ZDBF2: variants seen among roughly 807,000 people sequenced by gnomAD.
The protein encoded by ZDBF2 is zinc finger DBF-type containing 2, also known as DBF4-type zinc finger-containing protein 2.
In ZDBF2, 6 loss-of-function variants were observed where a neutral mutation model predicts 9.4. The ratio of observed to expected loss-of-function variants is 0.64; its 90% CI spans 0.35 to 1.27. The LOEUF (loss-of-function observed/expected upper bound fraction) is 1.27. ZDBF2 is among the 50% of genes most tolerant of loss of function. The pLI, the probability that ZDBF2 is intolerant of heterozygous loss-of-function variation, is 0.03. For missense variants in ZDBF2, 2,697 were observed against 2,766.8 expected, an observed-to-expected ratio of 0.97 and a Z score of 0.57; for synonymous variants, 905 against 946.3, an observed-to-expected ratio of 0.96 and a Z score of 0.80.
intron 4 of ZDBF2, among the ~76,000 whole-genome samples, chr2:206,301,350 G>A (rs1692490917): frequency 6.6e-6 from 1 of 151,946 alleles, no homozygotes; most frequent in Non-Finnish European, 1.5e-5. Flanking sequence ...TTAATCAGAT[G>A]TAAGGAGAAT....
Position 206,311,470 on chromosome 2 carries a change from C to T in ZDBF2, c.6942C>T (p.Gly2314=). The change falls in exon 5 of 5, where the codon GGC becomes GGT. Residue 2314 remains glycine (G), a synonymous_variant. Transcript: ENST00000374423. Reference sequence around the variant, plus strand: ...AGAAGACTGATGAAAGCTACCATGGCCGACAGAAAGGTCCTTCTACACCTG... The same window carrying T: ...AGAAGACTGATGAAAGCTACCATGGTCGACAGAAAGGTCCTTCTACACCTG... ...RRKKTDESYH[G]RQKGPSTPVR... is the part of the protein sequence containing the mutation. 1.2e-6 allele frequency: 2 copies of T among 1,612,184 alleles called. No individual in the cohort carries two copies. The highest frequency in any genetic ancestry group is 1.7e-6 in the Non-Finnish European group (2 of 1,179,304).
In ZDBF2 at chr2:206,309,822, A is replaced by G; in HGVS notation, c.5294A>G (p.Glu1765Gly). The G allele has an allele frequency of 3.1e-6, 5 of 1,613,814 alleles. No homozygotes were observed. The South Asian group carries it at 5.5e-5, about 18-fold the overall frequency. ...PLPSDTDQPQ[E>G]TVKKRHPCKK... ...CCATCTGATACTGATCAGCCTCAAGAAACTGTTAAGAAAAGACACCCTTGT... is the reference window on the plus strand; with the variant it reads ...CCATCTGATACTGATCAGCCTCAAGGAACTGTTAAGAAAAGACACCCTTGT... Residue 1765 changes from glutamate (E) to glycine (G), a missense_variant, in exon 5 of 5, where the codon GAA (glutamate) becomes GGA (glycine). Coordinates refer to ENST00000374423, the MANE Select transcript of ZDBF2 (RefSeq NM_020923.3).
In ZDBF2 at chr2:206,310,679, G is replaced by T; in HGVS notation, c.6151G>T (p.Asp2051Tyr). Reference sequence around the variant, plus strand: ...ATGCAAATATAAACGGAATATCTTTGATTATTATGAGCCCTTGATTAAGCA... The same window carrying T: ...ATGCAAATATAAACGGAATATCTTTTATTATTATGAGCCCTTGATTAAGCA... ...FICKYKRNIF[D>Y]YYEPLIKQIV... Residue 2051 changes from aspartate (D) to tyrosine (Y), a missense_variant, in exon 5 of 5, where the codon GAT (aspartate) becomes TAT (tyrosine). By Grantham distance (160) the Asp-to-Tyr change is radical. Coordinates refer to ENST00000374423, the MANE Select transcript of ZDBF2 (RefSeq NM_020923.3). 1 of 1,612,242 alleles carries T rather than the reference G, an allele frequency of 6.2e-7. No individual in the cohort carries two copies. The highest frequency in any genetic ancestry group is 1.1e-5 in the South Asian group (1 of 90,796).
At chr2:206,291,291 A>G (rs144553741) in intron 3 of ZDBF2, among the ~76,000 whole-genome samples, 85 of 152,280 alleles carry the variant, frequency 5.6e-4, no homozygotes, top group Admixed American at 4.1e-3. Flanking sequence ...GGAGCACGCA[A>G]CCTAGATCCC....
chr2:206,311,132 C>T lies in ZDBF2; in HGVS notation c.6604C>T (p.Gln2202Ter), dbSNP rs1693158326. ...GGTTTATAAACCAATTATTCTCCAG[C>T]AAAAACCCAGAAAAGCTTCAGAGAA... ...KKVYKPIILQ[Q>*]KPRKASEKQS... Residue 2202 changes from glutamine (Q) to a stop codon, truncating the protein, a stop_gained, in exon 5 of 5, where the codon CAA (glutamine) becomes TAA (stop). Coordinates refer to ENST00000374423, the MANE Select transcript of ZDBF2 (RefSeq NM_020923.3). LOFTEE classifies it low-confidence loss of function (END_TRUNC). 2 of 1,613,654 alleles carry T rather than the reference C, an allele frequency of 1.2e-6. No individual in the cohort carries two copies. The highest frequency in any genetic ancestry group is 1.7e-6 in the Non-Finnish European group (2 of 1,179,848).
chr2:206,294,267 C>T (rs1433500652), intron 3 of ZDBF2, among the ~76,000 whole-genome samples: 4 of 151,970 alleles, frequency 2.6e-5, no homozygotes, highest in Non-Finnish European at 4.4e-5. Flanking sequence ...TTTCTGGATG[C>T]TTGTCAACTT....
In ZDBF2 at chr2:206,297,282, C is replaced by G. The variant is rs1190672560; in HGVS notation, c.97C>G (p.Gln33Glu). 10 of 1,558,776 alleles carry G rather than the reference C, an allele frequency of 6.4e-6. No individual in the cohort carries two copies. Among genetic ancestry groups the G allele is most frequent in the Non-Finnish European group, 8.0e-6 (9 of 1,129,628 alleles). The stretch of plus-strand genomic sequence containing the variant: ...TGCTCAGCACAGGAGTTTGACCAGA[C>G]AGAGTAGACGTCAAATATGTACCAG... ...FSAQHRSLTR[Q>E]SRRQICTSSL... is the part of the protein sequence containing the mutation. The change falls in exon 4 of 5, where the codon CAG (glutamine) becomes GAG (glutamate). Residue 33 changes from glutamine (Q) to glutamate (E), a missense_variant. By Grantham distance (29) the Gln-to-Glu change is conservative. Transcript: ENST00000374423.
Position 206,307,762 on chromosome 2 carries a change from T to C in ZDBF2, c.3234T>C (p.Ser1078=). Residue 1078 remains serine, a synonymous_variant, in exon 5 of 5, where the codon TCT becomes TCC. Coordinates refer to ENST00000374423, the MANE Select transcript of ZDBF2 (RefSeq NM_020923.3). The part of the protein sequence containing the change: ...LKDKNSKSGD[S]KITFDSEQLQ... ...ACAAAAACAGTAAATCAGGTGATTCTAAAATAACTTTTGATTCTGAACAAC... is the reference window on the plus strand; with the variant it reads ...ACAAAAACAGTAAATCAGGTGATTCCAAAATAACTTTTGATTCTGAACAAC... 3.1e-6 allele frequency: 5 copies of C among 1,611,446 alleles called. No individual in the cohort carries two copies. The highest frequency in any genetic ancestry group is 2.2e-5 in the South Asian group (2 of 90,132).
chr2:206,308,448 T>TA lies in ZDBF2; in HGVS notation c.3923dup (p.Asn1308LysfsTer12). ...AAAATTCCAGGGGCGAATAAAGAAA[T>TA]AAATCTTTTGAGGGAGGAACATGTT... is the stretch of plus-strand genomic sequence containing the variant. On this transcript the variant is annotated frameshift_variant, in exon 5 of 5. Transcript: ENST00000374423. LOFTEE classifies it low-confidence loss of function (END_TRUNC). The TA allele has an allele frequency of 6.2e-7, 1 of 1,613,334 alleles. No homozygotes were observed. Among genetic ancestry groups the TA allele is most frequent in the Non-Finnish European group, 8.5e-7 (1 of 1,179,598 alleles).
rs1692813456 is a variant in ZDBF2, at chr2:206,306,583, A to G, written c.2055A>G (p.Ile685Met). ...CTGACCAGTCTCAAGTAGCCGAAAT[A>G]GAGCGTCAGAAAGTGGATGTTGACC... is the stretch of plus-strand genomic sequence containing the variant. ...QLADQSQVAE[I>M]ERQKVDVDLE... The change falls in exon 5 of 5, where the codon ATA becomes ATG. Residue 685 changes from isoleucine (I) to methionine (M), a missense_variant. Physicochemically the swap from Ile to Met is conservative, Grantham distance 10 (BLOSUM62 1). Coordinates refer to ENST00000374423, the MANE Select transcript of ZDBF2 (RefSeq NM_020923.3). 1 of 1,613,694 alleles carries G rather than the reference A, an allele frequency of 6.2e-7. No individual in the cohort carries two copies. Among genetic ancestry groups the G allele is most frequent in the Non-Finnish European group, 8.5e-7 (1 of 1,179,758 alleles).
At position 206,309,997 on chromosome 2, in the gene ZDBF2, A is replaced by G; in HGVS notation, c.5469A>G (p.Val1823=). ...DEPVLEALPH[V]PPSFVGKTWS... ...CAGTTCTTGAAGCCTTGCCTCATGT[A>G]CCTCCTTCATTTGTGGGGAAAACAT... The change falls in exon 5 of 5, where the codon GTA becomes GTG. Residue 1823 remains valine (V), a synonymous_variant. Transcript: ENST00000374423. The G allele has an allele frequency of 6.2e-7, 1 of 1,612,946 alleles. No homozygotes were observed. The highest frequency in any genetic ancestry group is 1.1e-5 in the South Asian group (1 of 90,774).
intron 2 of ZDBF2, among the ~76,000 whole-genome samples, chr2:206,279,875 G>A (rs1281302931): frequency 3.3e-5 from 5 of 152,144 alleles, no homozygotes; most frequent in Admixed American, 1.3e-4. Context: ...TGTGACCTCG[G>A]CATGCTGCAG....
At position 206,313,263 on chromosome 2, in the gene ZDBF2, A is replaced by G. The variant is rs1315099536; in HGVS notation, c.*1670A>G. The G allele has an allele frequency of 3.3e-5, 5 of 152,222 alleles. No homozygotes were observed. Among genetic ancestry groups the G allele is most frequent in the African/African-American group, 7.2e-5 (3 of 41,460 alleles). The allele number at this position is 152,222 out of a possible 1,614,324, so 9.4% of individuals were successfully genotyped here. On this transcript the variant is annotated 3_prime_UTR_variant, in exon 5 of 5. Transcript: ENST00000374423. ...CCATTATTTAACCTGTGTGTATGCTATGATGGAGTTCTTTTGTGATTTCTT... is the reference window on the plus strand; with the variant it reads ...CCATTATTTAACCTGTGTGTATGCTGTGATGGAGTTCTTTTGTGATTTCTT...
In ZDBF2 at chr2:206,307,703, GCTT is replaced by G; in HGVS notation, c.3176_3178del (p.Ala1059_Phe1060delinsVal). On this transcript the variant is annotated inframe_deletion, in exon 5 of 5. Coordinates refer to ENST00000374423, the MANE Select transcript of ZDBF2 (RefSeq NM_020923.3). ...GTCAATGACTGACCAACCTCAACTA[GCTT>G]TTTTGAAGGAAAAACATGTTAATCT... 2 of 1,613,376 alleles carry G rather than the reference GCTT, an allele frequency of 1.2e-6. No individual in the cohort carries two copies. Among genetic ancestry groups the G allele is most frequent in the Non-Finnish European group, 1.7e-6 (2 of 1,179,692 alleles).
chr2:206,310,213 G>A lies in ZDBF2; in HGVS notation c.5685G>A (p.Glu1895=). The A allele has an allele frequency of 6.2e-7, 1 of 1,613,982 alleles. No individual in the cohort carries two copies. Among genetic ancestry groups the A allele is most frequent in the Non-Finnish European group, 8.5e-7 (1 of 1,179,896 alleles). ...CTGCACCAACTCAAGCTGTGTCAGAGAGTGATGATATTGTCTGTGGTATTT... is the reference window on the plus strand; with the variant it reads ...CTGCACCAACTCAAGCTGTGTCAGAAAGTGATGATATTGTCTGTGGTATTT... The part of the protein sequence containing the change: ...EDTAPTQAVS[E]SDDIVCGISD... The change falls in exon 5 of 5, where the codon GAG becomes GAA. Residue 1895 remains glutamate, a synonymous_variant. Transcript: ENST00000374423.
At chr2:206,281,680 C>T in intron 2 of ZDBF2, 121 bp from the exon 3 acceptor site, 1 of 591,250 alleles carries the variant, frequency 1.7e-6, no homozygotes, top group Non-Finnish European at 2.9e-6. Context: ...TGGCTCATGG[C>T]AGCCTTGTAT....
intron 4 of ZDBF2, among the ~76,000 whole-genome samples, chr2:206,301,197 A>G (rs1187560397): frequency 6.6e-6 from 1 of 152,076 alleles, no homozygotes; most frequent in African/African-American, 2.4e-5. Context: ...AGTTCTTTGT[A>G]TATTTTGGCT....
Position 206,309,612 on chromosome 2 carries a change from A to G in ZDBF2, c.5084A>G (p.Asn1695Ser), listed in dbSNP as rs746010791. ...GCCAGTCTTCGGAAGGATCCAAGAAATGCTGGCCTAAAAGGTAAGAGCTGT... is the reference window on the plus strand; with the variant it reads ...GCCAGTCTTCGGAAGGATCCAAGAAGTGCTGGCCTAAAAGGTAAGAGCTGT... ...KEASLRKDPR[N>S]AGLKGKSCQS... The change falls in exon 5 of 5, where the codon AAT becomes AGT. Residue 1695 changes from asparagine (N) to serine (S), a missense_variant. Asn to Ser is a conservative substitution (Grantham distance 46, BLOSUM62 1). Transcript: ENST00000374423. The G allele has an allele frequency of 3.7e-6, 6 of 1,613,834 alleles. No individual in the cohort carries two copies. The highest frequency in any genetic ancestry group is 5.1e-6 in the Non-Finnish European group (6 of 1,179,850).
At position 206,297,413 on chromosome 2, in the gene ZDBF2, A is replaced by G. The variant is rs10165697; in HGVS notation, c.188+40A>G. The stretch of plus-strand genomic sequence containing the variant: ...TGGAATAATATTTATACGTAGTTAT[A>G]TGTTACAGTAGGTGTTTGTGTTCAT... On this transcript the variant is annotated intron_variant, in intron 4 of 4. Transcript: ENST00000374423. 3,676 of 1,555,782 alleles carry G rather than the reference A, an allele frequency of 2.4e-3. 79 individuals carry two copies. In the African/African-American group the frequency reaches 0.043, roughly 18 times the overall value.
Sources: allele counts gnomAD v4.1 joint callset (sites outside exome capture counted in the v4.1 genomes callset), GRCh38; gene constraint gnomAD v4.1.1; transcripts MANE v1.5; gene names NCBI Gene and HGNC (gene_info 2026-07-23, HGNC 2026-07-21).